The following LDB2 variants were observed in gnomAD, a reference collection of about 807,000 sequenced individuals.
LDB2 encodes LIM domain binding 2.
In LDB2, 12 loss-of-function variants were observed where a neutral mutation model predicts 44.3. That is an observed-to-expected ratio of 0.27 (90% CI 0.17 to 0.44). LDB2 has a LOEUF of 0.44. LDB2 is among the 20% of genes least tolerant of loss of function. The probability of loss-of-function intolerance (pLI) is 1.00; values close to 1 mark genes in which losing one functional copy is unlikely to be tolerated. For synonymous variants in LDB2, 164 were observed against 174.8 expected, an observed-to-expected ratio of 0.94 and a Z score of 0.49; for missense variants, 344 against 473.5, an observed-to-expected ratio of 0.73 and a Z score of 2.54.
At chr4:16,682,494 G>T (rs1748197112) in intron 2 of LDB2, among the ~76,000 whole-genome samples, 1 of 152,158 alleles carries the variant, frequency 6.6e-6, no homozygotes, top group African/African-American at 2.4e-5. Context: ...AAAGCACTTA[G>T]AATAATGACA....
chr4:16,665,866 G>C lies in LDB2; in HGVS notation c.236-69991C>G, dbSNP rs866987750. ...CAAGTCCTTATAGGTGAAGAGAAGG[G>C]AAAACAGATAAAGACACAGGGAAGG... On this transcript the variant is annotated intron_variant, in intron 2 of 7. Transcript: ENST00000304523. 3.3e-5 allele frequency among the ~76,000 whole-genome samples: 5 copies of C among 152,272 alleles called. No individual in the cohort carries two copies. The South Asian group carries it at 1.0e-3, about 32-fold the overall frequency.
intron 2 of LDB2, among the ~76,000 whole-genome samples, chr4:16,638,153 A>G (rs753037603): frequency 1.2e-4 from 19 of 152,220 alleles, no homozygotes; most frequent in Non-Finnish European, 2.5e-4. Context: ...GAGAATGCAA[A>G]GAAGGGAACT....
chr4:16,502,845 A>G lies in LDB2; in HGVS notation c.920T>C (p.Leu307Pro). Residue 307 changes from leucine (L) to proline (P), a missense_variant, in exon 8 of 8, where the codon CTG becomes CCG. This residue lies in a region of LDB2 where 86 missense variants were observed against 171.2 expected (regional missense o/e 0.50). Transcript: ENST00000304523. ...PDVMVVGEPT[L>P]MGGEFGDEDE... Reference sequence around the variant, plus strand: ...CTCGTCCCCAAACTCACCTCCCATCAGAGTTGGCTCTCCTACCACCATCAC... The same window carrying G: ...CTCGTCCCCAAACTCACCTCCCATCGGAGTTGGCTCTCCTACCACCATCAC... The G allele has an allele frequency of 6.2e-7, 1 of 1,614,058 alleles. No homozygotes were observed. Among genetic ancestry groups the G allele is most frequent in the Non-Finnish European group, 8.5e-7 (1 of 1,179,980 alleles).
intron 2 of LDB2, among the ~76,000 whole-genome samples, chr4:16,724,220 G>A (rs111778305): frequency 6.6e-6 from 1 of 151,906 alleles, no homozygotes; most frequent in Non-Finnish European, 1.5e-5. Context: ...CTGTCCCAAG[G>A]TCTGTTATAT....
chr4:16,668,727 G>C (rs1274205344), intron 2 of LDB2, among the ~76,000 whole-genome samples: 1 of 152,212 alleles, frequency 6.6e-6, no homozygotes, highest in Non-Finnish European at 1.5e-5. Flanking sequence ...CCTCAGCAGA[G>C]ATGTATTTTC....
intron 1 of LDB2, among the ~76,000 whole-genome samples, chr4:16,816,148 C>T (rs1780846578): frequency 6.6e-6 from 1 of 151,890 alleles, no homozygotes; most frequent in Admixed American, 6.6e-5. Context: ...GCGGAGGTTG[C>T]AGTGAGCGAT....
chr4:16,671,859 T>G (rs1417925376), intron 2 of LDB2, among the ~76,000 whole-genome samples: 1 of 151,590 alleles, frequency 6.6e-6, no homozygotes, highest in Admixed American at 6.6e-5. Context: ...GCAAAAGAAG[T>G]AATAGTTGCT....
At chr4:16,799,740 A>T (rs1295635582) in intron 1 of LDB2, among the ~76,000 whole-genome samples, 1 of 152,198 alleles carries the variant, frequency 6.6e-6, no homozygotes, top group Non-Finnish European at 1.5e-5. Context: ...TTTGCTTAAC[A>T]CTTGGCATAT....
intron 1 of LDB2, among the ~76,000 whole-genome samples, chr4:16,811,340 A>G (rs974491428): frequency 3.3e-5 from 5 of 152,296 alleles, no homozygotes; most frequent in African/African-American, 1.2e-4. Context: ...CACTTAGTAT[A>G]TTTACTCAGT....
At chr4:16,733,515 C>T (rs959840585) in intron 2 of LDB2, among the ~76,000 whole-genome samples, 3 of 152,238 alleles carry the variant, frequency 2.0e-5, no homozygotes, top group African/African-American at 7.2e-5. Flanking sequence ...GCTGACATAG[C>T]AGGCAAGGGA....
chr4:16,856,975 A>G (rs569181535), intron 1 of LDB2, among the ~76,000 whole-genome samples: 42 of 152,328 alleles, frequency 2.8e-4, no homozygotes, highest in African/African-American at 7.2e-4. Context: ...ATTCCTCAAA[A>G]TTAAGTAGTT....
At chr4:16,830,502 G>A (rs1444608395) in intron 1 of LDB2, among the ~76,000 whole-genome samples, 1 of 152,194 alleles carries the variant, frequency 6.6e-6, no homozygotes, top group African/African-American at 2.4e-5. Context: ...CTTTATAGCA[G>A]TGTAAGAACA....
At chr4:16,649,903 G>A (rs1264643718) in intron 2 of LDB2, among the ~76,000 whole-genome samples, 1 of 152,160 alleles carries the variant, frequency 6.6e-6, no homozygotes. Flanking sequence ...GCTGAAACTG[G>A]CTGAGAAAAT....
intron 7 of LDB2, among the ~76,000 whole-genome samples, chr4:16,504,793 C>CACTT (rs1403921917): frequency 6.6e-6 from 1 of 152,144 alleles, no homozygotes. Context: ...TAGGAGATGA[C>CACTT]ACTTATGATC....
At chr4:16,850,625 T>C (rs1788028687) in intron 1 of LDB2, among the ~76,000 whole-genome samples, 1 of 152,148 alleles carries the variant, frequency 6.6e-6, no homozygotes, top group Admixed American at 6.5e-5. Context: ...CCTCATATCA[T>C]TACCCCAAGA....
At chr4:16,694,703 G>T (rs921869139) in intron 2 of LDB2, among the ~76,000 whole-genome samples, 2 of 152,150 alleles carry the variant, frequency 1.3e-5, no homozygotes, top group African/African-American at 4.8e-5. Context: ...CATCATGAAG[G>T]ATCTAGCATC....
chr4:16,573,348 C>T (rs993366790), intron 5 of LDB2, among the ~76,000 whole-genome samples: 11 of 152,132 alleles, frequency 7.2e-5, no homozygotes, highest in Admixed American at 1.3e-4. Flanking sequence ...GACACGTGCT[C>T]CTCCAGCCTT....
chr4:16,772,918 G>A (rs1771021231), intron 1 of LDB2, among the ~76,000 whole-genome samples: 1 of 152,226 alleles, frequency 6.6e-6, no homozygotes, highest in Non-Finnish European at 1.5e-5. Context: ...ACAGAACAGT[G>A]GGACAGAATG....
At chr4:16,541,275 A>T (rs191248904) in intron 5 of LDB2, among the ~76,000 whole-genome samples, 7 of 152,032 alleles carry the variant, frequency 4.6e-5, no homozygotes, top group Admixed American at 4.6e-4. Flanking sequence ...GTGAGTTTTT[A>T]TGAGATCTGG....
Sources: allele counts gnomAD v4.1 joint callset (sites outside exome capture counted in the v4.1 genomes callset), GRCh38; gene constraint gnomAD v4.1.1; regional missense constraint gnomAD v4.1.1; transcripts MANE v1.5; gene names NCBI Gene and HGNC (gene_info 2026-07-23, HGNC 2026-07-21).